The following ITCH variants were observed in gnomAD, a reference collection of about 807,000 sequenced individuals.
The protein encoded by ITCH is itchy E3 ubiquitin protein ligase.
In ITCH, 28 loss-of-function variants were observed where a neutral mutation model predicts 126.8. The observed-to-expected ratio is 0.22, with a 90% CI of 0.16 to 0.30. ITCH has a LOEUF of 0.30. Ranked by LOEUF, ITCH falls within the 10% of genes least tolerant of loss-of-function variation. The pLI is 1.00. For missense variants in ITCH, 631 were observed against 1,032.4 expected (o/e 0.61, Z 5.33); for synonymous variants, 342 against 340.0 (o/e 1.01, Z -0.06).
intron 1 of ITCH, among the ~76,000 whole-genome samples, chr20:34,363,965 C>A (rs1215102661): frequency 6.6e-6 from 1 of 152,200 alleles, no homozygotes; most frequent in East Asian, 1.9e-4. Context: ...CCGACTTTTG[C>A]AGACGTGGAG....
intron 7 of ITCH, among the ~76,000 whole-genome samples, chr20:34,424,785 G>A (rs1397597793): frequency 1.3e-5 from 2 of 152,158 alleles, no homozygotes; most frequent in Non-Finnish European, 2.9e-5. Flanking sequence ...CTTTTCAGAG[G>A]CAGGGTGTTC....
chr20:34,363,690 G>T (rs2037288430), intron 1 of ITCH, among the ~76,000 whole-genome samples: 1 of 152,108 alleles, frequency 6.6e-6, no homozygotes, highest in Non-Finnish European at 1.5e-5. Flanking sequence ...CCCGCCTGGG[G>T]CCACTCTCCA....
intron 3 of ITCH, among the ~76,000 whole-genome samples, chr20:34,396,766 A>G (rs2038693067): frequency 6.6e-6 from 1 of 152,056 alleles, no homozygotes; most frequent in Admixed American, 6.6e-5. Context: ...TTTTGGAGAA[A>G]TGTCTGTTCA....
chr20:34,457,365 T>A, intron 12 of ITCH, 25 bp from the exon 13 acceptor site: 1 of 1,546,178 alleles, frequency 6.5e-7, no homozygotes, highest in Non-Finnish European at 8.9e-7. Flanking sequence ...TGCTTTGCTT[T>A]CCCCTGCCCC....
chr20:34,381,230 C>T (rs1251055956), intron 2 of ITCH, among the ~76,000 whole-genome samples: 4 of 151,612 alleles, frequency 2.6e-5, no homozygotes, highest in African/African-American at 4.8e-5. Context: ...GTCTACAAAA[C>T]GAAACAAAAC....
intron 10 of ITCH, among the ~76,000 whole-genome samples, chr20:34,442,850 C>T (rs1983937507): frequency 6.6e-6 from 1 of 150,804 alleles, no homozygotes; most frequent in Admixed American, 6.6e-5. Flanking sequence ...GTGGCGGGCA[C>T]CTATAGTCCC....
At chr20:34,442,800 C>T (rs557122002) in intron 10 of ITCH, among the ~76,000 whole-genome samples, 16 of 150,852 alleles carry the variant, frequency 1.1e-4, no homozygotes, top group African/African-American at 3.6e-4. Flanking sequence ...GGTGAAACCC[C>T]GTTTCTACTA....
Position 34,510,868 on chromosome 20 carries a change from ACATAC to A in ITCH, c.*3077_*3081del, listed in dbSNP as rs1253723170. 1 of 152,174 alleles carries A rather than the reference ACATAC, an allele frequency of 6.6e-6. No individual in the cohort carries two copies. The allele number at this position is 152,174 out of a possible 1,614,324, so 9.4% of individuals were successfully genotyped here. A position where few individuals can be genotyped will look rare whatever the true frequency, so the allele number is the denominator to read the frequency against. On this transcript the variant is annotated 3_prime_UTR_variant, in exon 25 of 25. Transcript: ENST00000374864. ...GTACTGATTTTTCATCAAGAGATTG[ACATAC>A]CAATGATCAGAAATTTTAGTGAAAC...
chr20:34,449,177 A>T (rs547608772), intron 11 of ITCH, among the ~76,000 whole-genome samples: 2 of 152,234 alleles, frequency 1.3e-5, no homozygotes, highest in South Asian at 4.1e-4. Flanking sequence ...AGGATTACAT[A>T]TATGTGTAGT....
intron 16 of ITCH, chr20:34,475,970 G>C (rs1241135276): frequency 4.4e-6 from 7 of 1,598,618 alleles, no homozygotes; most frequent in Non-Finnish European, 6.0e-6. Context: ...ATCAGCCACT[G>C]TTTCAGGCAC....
chr20:34,373,105 G>C (rs969780618), intron 2 of ITCH, among the ~76,000 whole-genome samples: 1 of 151,760 alleles, frequency 6.6e-6, no homozygotes, highest in Non-Finnish European at 1.5e-5. Context: ...CTCCCAAGTA[G>C]CTGGGATTAT....
At chr20:34,435,429 T>C (rs545595828) in intron 7 of ITCH, among the ~76,000 whole-genome samples, 17 of 152,082 alleles carry the variant, frequency 1.1e-4, no homozygotes, top group East Asian at 1.9e-4. Flanking sequence ...TTGGCCTCCT[T>C]AAGTGCTGGG....
chr20:34,478,013 C>A, intron 17 of ITCH, 153 bp downstream of exon 17: 1 of 971,404 alleles, frequency 1.0e-6, no homozygotes, highest in Non-Finnish European at 1.5e-6. Context: ...TACAGAATTT[C>A]AAAAAACATT....
At chr20:34,499,728 A>C (rs1036298454) in intron 23 of ITCH, among the ~76,000 whole-genome samples, 12 of 151,480 alleles carry the variant, frequency 7.9e-5, no homozygotes, top group Non-Finnish European at 1.8e-4. Flanking sequence ...TCCTTCTAGT[A>C]ATTTTGGGTT....
intron 1 of ITCH, 79 bp from the exon 2 acceptor site, chr20:34,369,315 G>T: frequency 2.6e-6 from 1 of 384,830 alleles, no homozygotes; most frequent in South Asian, 1.4e-4. Context: ...CCTGGCGACA[G>T]AGCAAGACTC....
Position 34,417,702 on chromosome 20 carries a change from GC to G in ITCH, c.475+3824del, listed in dbSNP as rs1198095549. On this transcript the variant is annotated intron_variant, in intron 6 of 24. Coordinates refer to ENST00000374864, the MANE Select transcript of ITCH (RefSeq NM_031483.7). The stretch of plus-strand genomic sequence containing the variant: ...GGCATGAGCCACTGCGCCTGGCCCA[GC>G]TTTTTTTTTTTTTTTTTTTTTTTAA... 4.3e-5 allele frequency among the ~76,000 whole-genome samples: 4 copies of G among 92,914 alleles called. No individual in the cohort carries two copies. The East Asian group carries it at 1.6e-3, about 36-fold the overall frequency. 61.0% of individuals were successfully genotyped at this position (92,914 alleles called of 152,430 possible).
chr20:34,487,894 A>G (rs1483123586), intron 20 of ITCH, among the ~76,000 whole-genome samples: 1 of 152,212 alleles, frequency 6.6e-6, no homozygotes, highest in South Asian at 2.1e-4. Flanking sequence ...AGTCGAGATC[A>G]CGCCATTGCG....
chr20:34,389,689 G>C (rs1034789268), intron 2 of ITCH, among the ~76,000 whole-genome samples: 3 of 152,108 alleles, frequency 2.0e-5, no homozygotes, highest in African/African-American at 7.2e-5. Flanking sequence ...TGTCCATTAG[G>C]GACATTATCC....
chr20:34,423,575 T>G (rs1981087952), intron 6 of ITCH, among the ~76,000 whole-genome samples: 1 of 152,208 alleles, frequency 6.6e-6, no homozygotes, highest in Admixed American at 6.5e-5. Context: ...CTTCTTTAAA[T>G]GTACCTACCT....
Sources: gnomAD v4.1 joint callset for allele counts (sites outside exome capture counted in the v4.1 genomes callset) on GRCh38, gnomAD v4.1.1 for gene constraint, MANE v1.5 for transcripts, NCBI Gene and HGNC (gene_info 2026-07-23, HGNC 2026-07-21) for gene names.